The following EYA4 variants were observed in gnomAD, a reference collection of about 807,000 sequenced individuals.
EYA4 encodes the protein protein phosphatase EYA4.
EYA4 carries 31 observed loss-of-function variants against 87.9 expected under a neutral mutation model. That is an observed-to-expected ratio of 0.35 (90% CI 0.27 to 0.48). EYA4 has a LOEUF of 0.48. Ranked by LOEUF, EYA4 falls within the 20% of genes least tolerant of loss-of-function variation. The probability of loss-of-function intolerance (pLI) is 0.99; values close to 1 mark genes in which losing one functional copy is unlikely to be tolerated. For missense variants in EYA4, 678 were observed against 761.4 expected (o/e 0.89, Z 1.29); for synonymous variants, 263 against 270.6 (o/e 0.97, Z 0.28).
At chr6:133,401,837 C>A in intron 3 of EYA4, among the ~76,000 whole-genome samples, 1 of 152,174 alleles carries the variant, frequency 6.6e-6, no homozygotes, top group East Asian at 1.9e-4. Context: ...GGGCTCACCC[C>A]TCTCAGGATC....
At chr6:133,472,765 A>G (rs1189564691) in intron 11 of EYA4, among the ~76,000 whole-genome samples, 1 of 115,338 alleles carries the variant, frequency 8.7e-6, no homozygotes, top group Non-Finnish European at 1.8e-5. Flanking sequence ...TTGCTTTATG[A>G]ATCTGGGTGC....
chr6:133,520,537 T>C (rs1342672316), intron 17 of EYA4, among the ~76,000 whole-genome samples: 1 of 124,678 alleles, frequency 8.0e-6, no homozygotes, highest in Non-Finnish European at 1.7e-5. Flanking sequence ...GAAGAATCAA[T>C]ATCGTGAAAA....
intron 9 of EYA4, among the ~76,000 whole-genome samples, chr6:133,462,985 C>G (rs1011589211): frequency 6.6e-6 from 1 of 152,026 alleles, no homozygotes; most frequent in Non-Finnish European, 1.5e-5. Flanking sequence ...GTTTAAGCTG[C>G]GTAACATCAG....
At chr6:133,414,399 C>T (rs962489248) in intron 3 of EYA4, among the ~76,000 whole-genome samples, 2 of 152,170 alleles carry the variant, frequency 1.3e-5, no homozygotes, top group African/African-American at 2.4e-5. Context: ...CAAAGCTTGC[C>T]GTTATGATAG....
chr6:133,339,899 T>A (rs1392476478), intron 2 of EYA4, among the ~76,000 whole-genome samples: 2 of 152,184 alleles, frequency 1.3e-5, no homozygotes, highest in East Asian at 3.9e-4. Flanking sequence ...AAATGCTTAG[T>A]AACATGATGT....
In EYA4 at chr6:133,517,409, T is replaced by C. The variant is rs150405129; in HGVS notation, c.1616+1974T>C. ...GAAAAGAAAAGATCAATGAATAAGA[T>C]GACAAATTGTTAGTTTTAAAAAAAG... On this transcript the variant is annotated intron_variant, in intron 17 of 19. Coordinates refer to ENST00000355286, the MANE Select transcript of EYA4 (RefSeq NM_004100.5). 3.0e-4 allele frequency among the ~76,000 whole-genome samples: 46 copies of C among 151,930 alleles called. No homozygotes were observed. In the East Asian group the frequency reaches 7.5e-3, roughly 25 times the overall value.
At chr6:133,428,454 T>C (rs564283201) in intron 3 of EYA4, among the ~76,000 whole-genome samples, 159 of 152,330 alleles carry the variant, frequency 1.0e-3, no homozygotes, top group Middle Eastern at 3.4e-3. Context: ...TCACTTAAAA[T>C]GGTTTCAACT....
intron 2 of EYA4, among the ~76,000 whole-genome samples, chr6:133,319,248 A>T (rs1257490917): frequency 6.6e-6 from 1 of 152,256 alleles, no homozygotes; most frequent in African/African-American, 2.4e-5. Flanking sequence ...CTTTTAAAAG[A>T]TAGAGAATTT....
chr6:133,385,116 A>G (rs894357269), intron 3 of EYA4, among the ~76,000 whole-genome samples: 21 of 151,692 alleles, frequency 1.4e-4, no homozygotes, highest in East Asian at 3.9e-4. Context: ...TGGCTAACAC[A>G]GTGAAACCCC....
intron 3 of EYA4, among the ~76,000 whole-genome samples, chr6:133,437,288 A>C (rs1233705132): frequency 6.6e-6 from 1 of 152,198 alleles, no homozygotes; most frequent in Non-Finnish European, 1.5e-5. Context: ...AAAATGTTTT[A>C]TTTCAGGGAT....
chr6:133,446,487 C>A, intron 3 of EYA4, 143 bp from the exon 4 acceptor site: 1 of 857,690 alleles, frequency 1.2e-6, no homozygotes. Context: ...CATGAACTGG[C>A]ATGTTCATCT....
chr6:133,504,531 G>C (rs374550556), intron 13 of EYA4, among the ~76,000 whole-genome samples: 1 of 152,112 alleles, frequency 6.6e-6, no homozygotes, highest in South Asian at 2.1e-4. Context: ...CACTCACATC[G>C]TCTTAGTTTA....
chr6:133,386,501 C>A (rs1050202637), intron 3 of EYA4, among the ~76,000 whole-genome samples: 1 of 152,128 alleles, frequency 6.6e-6, no homozygotes. Flanking sequence ...CTATAACACA[C>A]AAATGATTTC....
chr6:133,352,351 G>C lies in EYA4; in HGVS notation c.34-30041G>C, dbSNP rs77895404. On this transcript the variant is annotated intron_variant, in intron 2 of 19. Transcript: ENST00000355286. ...TAATATCTTGTTCAAAAGGAAGTTT[G>C]TGTTGACTGTTTTTTGTTATGAGGA... 2.9e-3 allele frequency among the ~76,000 whole-genome samples: 428 copies of C among 147,358 alleles called. 7 individuals carry two copies. The East Asian group carries it at 0.053, about 18-fold the overall frequency.
chr6:133,381,452 G>A (rs1786211079), intron 2 of EYA4, among the ~76,000 whole-genome samples: 1 of 151,990 alleles, frequency 6.6e-6, no homozygotes, highest in Non-Finnish European at 1.5e-5. Flanking sequence ...TGTTCATATT[G>A]CAATTCACAT....
At chr6:133,513,325 G>A (rs1413437312) in intron 16 of EYA4, among the ~76,000 whole-genome samples, 1 of 152,126 alleles carries the variant, frequency 6.6e-6, no homozygotes, top group Non-Finnish European at 1.5e-5. Context: ...CTGGTGCTTG[G>A]AGCATTATCA....
chr6:133,391,087 G>C (rs556812200), intron 3 of EYA4, among the ~76,000 whole-genome samples: 1 of 152,270 alleles, frequency 6.6e-6, no homozygotes, highest in African/African-American at 2.4e-5. Context: ...GTTAGGGTAG[G>C]TTAGCACAGC....
At chr6:133,369,385 C>T (rs561310930) in intron 2 of EYA4, among the ~76,000 whole-genome samples, 9 of 152,086 alleles carry the variant, frequency 5.9e-5, no homozygotes, top group East Asian at 1.9e-4. Context: ...ACATAAAAGA[C>T]TTTATTTTAT....
At position 133,374,037 on chromosome 6, in the gene EYA4, G is replaced by A. The variant is rs538892570; in HGVS notation, c.34-8355G>A. Among the ~76,000 whole-genome samples the A allele has an allele frequency of 1.2e-3, 175 of 152,146 alleles. 1 individual carries two copies. Among genetic ancestry groups the A allele is most frequent in the African/African-American group, 3.7e-3 (154 of 41,522 alleles). On this transcript the variant is annotated intron_variant, in intron 2 of 19. Coordinates refer to ENST00000355286, the MANE Select transcript of EYA4 (RefSeq NM_004100.5). ...ATTTTCCTAAATAATTCATAAAGCC[G>A]ATATGGCATTTATGGCAGGTGAAAA...
Sources: allele counts gnomAD v4.1 joint callset (sites outside exome capture counted in the v4.1 genomes callset), GRCh38; gene constraint gnomAD v4.1.1; transcripts MANE v1.5; gene names NCBI Gene and HGNC (gene_info 2026-07-23, HGNC 2026-07-21).